Variants in PLCH2 observed in about 807,000 individuals in gnomAD.
PLCH2 encodes the protein phospholipase C eta 2, also known as 1-phosphatidylinositol 4,5-bisphosphate phosphodiesterase eta-2.
A neutral mutation model predicts 134.7 loss-of-function variants in PLCH2; 98 were observed. The observed-to-expected ratio is 0.73, with a 90% CI of 0.62 to 0.86. The LOEUF (loss-of-function observed/expected upper bound fraction) is 0.86. Ranked by LOEUF, PLCH2 falls within the 40% of genes least tolerant of loss-of-function variation. PLCH2 has a pLI of 0.00. For synonymous variants in PLCH2, 974 were observed against 827.5 expected (o/e 1.18, Z -3.04); for missense variants, 1,994 against 1,986.6 (o/e 1.00, Z -0.07).
At chr1:2,479,612 C>T (rs529087123) in intron 2 of PLCH2, 122 bp from the exon 3 acceptor site, 102 of 1,001,898 alleles carry the variant, frequency 1.0e-4, no homozygotes, top group Middle Eastern at 9.7e-4. Context: ...TGAGCCCTGC[C>T]GAGGGTCCCG....
Position 2,505,182 on chromosome 1 carries a change from C to G in PLCH2, c.4220C>G (p.Ala1407Gly), listed in dbSNP as rs748427227. The G allele has an allele frequency of 3.8e-6, 6 of 1,572,342 alleles. No individual in the cohort carries two copies. The South Asian group carries it at 6.9e-5, about 18-fold the overall frequency. The change falls in exon 22 of 22, where the codon GCT (alanine) becomes GGT (glycine). Residue 1407 changes from alanine to glycine, a missense_variant. Coordinates refer to ENST00000378486, the MANE Select transcript of PLCH2 (RefSeq NM_014638.4). ...GGAGCCCTCGGGCCAGCATCCGCGG[C>G]TGCTGAAAACCTGGTCCTGCTCCGC... The part of the protein sequence containing the change: ...SKGALGPASA[A>G]AENLVLLRL
At chr1:2,490,313 C>T (rs897947063) in intron 10 of PLCH2, among the ~76,000 whole-genome samples, 2 of 152,208 alleles carry the variant, frequency 1.3e-5, no homozygotes, top group Admixed American at 6.5e-5. Context: ...CAGCCACCCC[C>T]GTGGCCAGTG....
upstream of PLCH2, among the ~76,000 whole-genome samples, chr1:2,467,045 G>T (rs555724204): frequency 9.5e-4 from 145 of 152,290 alleles, no homozygotes; most frequent in South Asian, 7.9e-3. Flanking sequence ...TGGGGTGAGT[G>T]GCTCTTCTTG....
chr1:2,426,963 G>A (rs80070249), intron 1 of PLCH2, among the ~76,000 whole-genome samples: 3,878 of 152,350 alleles, frequency 0.025, 157 homozygotes, highest in African/African-American at 0.088. Context: ...GGGGCCTTGG[G>A]CTGGGAGAGT....
intron 1 of PLCH2, among the ~76,000 whole-genome samples, chr1:2,430,162 C>T (rs563049641): frequency 6.6e-6 from 1 of 152,302 alleles, no homozygotes; most frequent in South Asian, 2.1e-4. Context: ...TCAGACACAG[C>T]TACCCAGCCC....
chr1:2,448,191 GGT>G lies in PLCH2; in HGVS notation c.115+17567_115+17568del, dbSNP rs1335739001. ...TGTCTGGAGCACCACGACATGGAGGGGTGTGTTTCCTGCAGCTGCTGGGACCG... is the reference window on the plus strand; with the variant it reads ...TGTCTGGAGCACCACGACATGGAGGGGTGTTTCCTGCAGCTGCTGGGACCG... On this transcript the variant is annotated intron_variant, in intron 2 of 3. Coordinates refer to the PLCH2 transcript ENST00000609981. The surrounding 1 kb of genome is among the most constrained non-coding windows in gnomAD (Gnocchi z 4.0). 2.6e-5 allele frequency among the ~76,000 whole-genome samples: 4 copies of G among 152,344 alleles called. No individual in the cohort carries two copies. Among genetic ancestry groups the G allele is most frequent in the African/African-American group, 9.6e-5 (4 of 41,578 alleles).
intron 1 of PLCH2, 77 bp downstream of exon 1, chr1:2,476,789 G>C (rs1169013332): frequency 2.1e-6 from 3 of 1,437,178 alleles, no homozygotes; most frequent in Non-Finnish European, 2.8e-6. Flanking sequence ...GCTGTTCCTG[G>C]AGGTGGGGGA....
At chr1:2,496,759 C>T (rs1286930996) in intron 14 of PLCH2, 55 bp downstream of exon 14, 4 of 1,610,672 alleles carry the variant, frequency 2.5e-6, no homozygotes, top group Admixed American at 3.3e-5. Context: ...TCCCCCATCC[C>T]TGCTATGCTG....
chr1:2,475,792 T>A (rs914494420), upstream of PLCH2, among the ~76,000 whole-genome samples: 1 of 152,172 alleles, frequency 6.6e-6, no homozygotes, highest in African/African-American at 2.4e-5. Context: ...GGGACCCACA[T>A]CCTGGGCCTG....
At chr1:2,480,061 G>A in intron 3 of PLCH2, 84 bp downstream of exon 3, 2 of 1,579,812 alleles carry the variant, frequency 1.3e-6, no homozygotes, top group Non-Finnish European at 1.7e-6. Context: ...TCCTTTGCCG[G>A]GTCACACACT....
At position 2,504,381 on chromosome 1, in the gene PLCH2, G is replaced by C; in HGVS notation, c.3419G>C (p.Arg1140Pro). 1 of 1,612,000 alleles carries C rather than the reference G, an allele frequency of 6.2e-7. No individual in the cohort carries two copies. The highest frequency in any genetic ancestry group is 1.3e-5 in the African/African-American group (1 of 75,030). ...LWQRLEPCGH[R>P]DSVSSSSSMS... is the part of the protein sequence containing the mutation. ...CAGCGGCTGGAGCCATGTGGCCACC[G>C]AGACAGCGTTTCCTCCTCCTCCAGC... is the stretch of plus-strand genomic sequence containing the variant. The change falls in exon 22 of 22, where the codon CGA becomes CCA. Residue 1140 changes from arginine to proline, a missense_variant. Physicochemically the swap from Arg to Pro is moderately radical, Grantham distance 103 (BLOSUM62 -2). Around this residue, in one of 2 missense-constraint regions of PLCH2, gnomAD observed 900 missense variants for 752.3 expected, o/e 1.20. Coordinates refer to ENST00000378486, the MANE Select transcript of PLCH2 (RefSeq NM_014638.4).
chr1:2,428,101 G>A (rs1638887576), intron 1 of PLCH2, among the ~76,000 whole-genome samples: 1 of 152,200 alleles, frequency 6.6e-6, no homozygotes, highest in South Asian at 2.1e-4. Context: ...GGGTCCAGGG[G>A]ACCTCTCCAC....
rs184121529 is a variant in PLCH2, at chr1:2,450,021, C to G, written c.115+19392C>G. On this transcript the variant is annotated intron_variant, in intron 2 of 3. Coordinates refer to the PLCH2 transcript ENST00000609981. ...GGGAAGTGGGTGAATGAAGCTGTTT[C>G]TCTGCATACAGTGTCTCCCTGGCTC... is the stretch of plus-strand genomic sequence containing the variant. 7.6e-3 allele frequency among the ~76,000 whole-genome samples: 1,162 copies of G among 152,348 alleles called. 6 individuals are homozygous for G. The highest frequency in any genetic ancestry group is 0.011 in the Non-Finnish European group (758 of 68,024).
chr1:2,482,370 G>A (rs1642017713), intron 4 of PLCH2, among the ~76,000 whole-genome samples: 1 of 152,174 alleles, frequency 6.6e-6, no homozygotes, highest in South Asian at 2.1e-4. Context: ...TCCCATGGGG[G>A]CCCTTTGAGC....
At chr1:2,452,131 A>G (rs1192697620) in intron 2 of PLCH2, among the ~76,000 whole-genome samples, 1 of 152,008 alleles carries the variant, frequency 6.6e-6, no homozygotes, top group African/African-American at 2.4e-5. Context: ...CCCCCACTGC[A>G]TTGCTGAGCC....
In PLCH2 at chr1:2,444,607, G is replaced by A. The variant is rs74943598; in HGVS notation, c.115+13978G>A. On this transcript the variant is annotated intron_variant, in intron 2 of 3. Transcript: ENST00000609981. This position sits in a 1 kb window ranked among gnomAD's most constrained non-coding sequence, Gnocchi z 4.6. Reference sequence around the variant, plus strand: ...GGCAGAGCTACAGGGTATTCTTTAGGGAGATGGGCTCTGCTGGAGCTGGTG... The same window carrying A: ...GGCAGAGCTACAGGGTATTCTTTAGAGAGATGGGCTCTGCTGGAGCTGGTG... 0.063 allele frequency among the ~76,000 whole-genome samples: 9,562 copies of A among 152,178 alleles called. 313 individuals carry two copies. Among genetic ancestry groups the A allele is most frequent in the Middle Eastern group, 0.1 (30 of 294 alleles).
chr1:2,431,455 G>C (rs1195155299), intron 2 of PLCH2, among the ~76,000 whole-genome samples: 1 of 152,156 alleles, frequency 6.6e-6, no homozygotes, highest in African/African-American at 2.4e-5. Context: ...GTGGAGCTGC[G>C]CCTGGGGAGC....
intron 21 of PLCH2, chr1:2,503,379 A>G (rs1643345402): frequency 5.2e-6 from 3 of 581,808 alleles, no homozygotes; most frequent in South Asian, 2.0e-5. Flanking sequence ...GTGGGCAGGT[A>G]GTGCAGCTGC....
At chr1:2,429,570 G>A (rs1283653080) in intron 1 of PLCH2, among the ~76,000 whole-genome samples, 1 of 152,180 alleles carries the variant, frequency 6.6e-6, no homozygotes, top group Non-Finnish European at 1.5e-5. Context: ...GCTGTTTGGA[G>A]CCTGGGGCCC....
Sources: allele counts gnomAD v4.1 joint callset (sites outside exome capture counted in the v4.1 genomes callset), GRCh38; gene constraint gnomAD v4.1.1; regional missense constraint gnomAD v4.1.1; non-coding constraint Gnocchi (gnomAD v3.1); transcripts MANE v1.5; gene names NCBI Gene and HGNC (gene_info 2026-07-23, HGNC 2026-07-21).